The following OGDH variants were observed in gnomAD, a reference collection of about 807,000 sequenced individuals.
OGDH encodes the protein oxoglutarate dehydrogenase.
A neutral mutation model predicts 116.6 loss-of-function variants in OGDH; 38 were observed. The observed-to-expected ratio is 0.33, with a 90% CI of 0.25 to 0.43. The LOEUF (loss-of-function observed/expected upper bound fraction) is 0.43. Among genes scored for constraint, OGDH ranks in the 20% least tolerant of loss-of-function variants. The pLI is 1.00. For synonymous variants in OGDH, 488 were observed against 533.3 expected, an observed-to-expected ratio of 0.92 and a Z score of 1.17; for missense variants, 825 against 1,357.2, an observed-to-expected ratio of 0.61 and a Z score of 6.16.
chr7:44,697,128 G>T lies in OGDH; in HGVS notation c.2051+64G>T. On this transcript the variant is annotated intron_variant, in intron 15 of 22. Coordinates refer to ENST00000222673, the MANE Select transcript of OGDH (RefSeq NM_002541.4). The surrounding 1 kb of genome is among the most constrained non-coding windows in gnomAD (Gnocchi z 6.0). ...AGAAGATGGAAAGGGAGGGGTTCTG[G>T]TGTTTCTTTTCCGGAAGACGGTTAG... The T allele has an allele frequency of 1.9e-6, 3 of 1,572,590 alleles. No individual in the cohort carries two copies. Among genetic ancestry groups the T allele is most frequent in the East Asian group, 4.5e-5 (2 of 44,230 alleles).
At chr7:44,672,437 G>A (rs931041655) in intron 5 of OGDH, among the ~76,000 whole-genome samples, 11 of 152,136 alleles carry the variant, frequency 7.2e-5, no homozygotes, top group Non-Finnish European at 1.6e-4. Flanking sequence ...AGTGGCTGCT[G>A]TAAAGGCAGT....
intron 4 of OGDH, among the ~76,000 whole-genome samples, chr7:44,652,202 G>A (rs1393854467): frequency 1.3e-5 from 2 of 151,506 alleles, no homozygotes; most frequent in East Asian, 2.0e-4. Flanking sequence ...TCCGCCTCCC[G>A]GGTTCAAGCA....
Position 44,624,353 on chromosome 7 carries a change from T to C in OGDH, c.10T>C (p.Leu4=), listed in dbSNP as rs1785120823. The change falls in exon 2 of 23, where the codon TTA becomes CTA. Residue 4 remains leucine (L), a synonymous_variant. Transcript: ENST00000222673. ...AAACTTCAGGACAAAAATGTTTCAT[T>C]TAAGGACTTGTGCTGCTAAGTTGAG... MFH[L]RTCAAKLRPL... The C allele has an allele frequency of 1.9e-6, 3 of 1,609,128 alleles. No individual in the cohort carries two copies. Among genetic ancestry groups the C allele is most frequent in the Non-Finnish European group, 2.5e-6 (3 of 1,178,446 alleles).
intron 1 of OGDH, among the ~76,000 whole-genome samples, chr7:44,617,576 C>A (rs908098456): frequency 2.0e-5 from 3 of 152,286 alleles, no homozygotes; most frequent in Non-Finnish European, 1.5e-5. Context: ...AGATTCTCAG[C>A]CAATAAGGGA....
Position 44,697,713 on chromosome 7 carries a change from C to A in OGDH, c.2289C>A (p.Cys763Ter). Reference protein sequence around the residue: ...TAQCIIDQFICPGQAKWVRQN... With the variant: ...TAQCIIDQFI ...AGTGTATCATCGACCAGTTCATCTG[C>A]CCGGGACAAGCCAAGTGGGTGCGGC... Residue 763 changes from cysteine to a stop codon, truncating the protein, a stop_gained, in exon 17 of 23, where the codon TGC becomes TGA. Coordinates refer to ENST00000222673, the MANE Select transcript of OGDH (RefSeq NM_002541.4). LOFTEE classifies it high-confidence loss of function. This position sits in a 1 kb window ranked among gnomAD's most constrained non-coding sequence, Gnocchi z 6.0. 1 of 1,614,264 alleles carries A rather than the reference C, an allele frequency of 6.2e-7. No homozygotes were observed. Among genetic ancestry groups the A allele is most frequent in the Non-Finnish European group, 8.5e-7 (1 of 1,180,052 alleles).
chr7:44,653,576 G>A (rs1786547237), intron 4 of OGDH, among the ~76,000 whole-genome samples: 1 of 152,196 alleles, frequency 6.6e-6, no homozygotes, highest in Non-Finnish European at 1.5e-5. Flanking sequence ...GCCCAGGCTG[G>A]AATGCAGTGG....
chr7:44,683,352 C>T (rs1788008439), intron 10 of OGDH, among the ~76,000 whole-genome samples: 1 of 151,996 alleles, frequency 6.6e-6, no homozygotes, highest in Non-Finnish European at 1.5e-5. Flanking sequence ...CCTCAGCCTC[C>T]CGAGTAGCAA....
chr7:44,696,955 A>G lies in OGDH; in HGVS notation c.1942A>G (p.Asn648Asp). ...GAAGACTCGTGGGGAAATGGTGAAG[A>G]ACCGGACTGTGGACTGGGCTCTAGC... ...ILKTRGEMVK[N>D]RTVDWALAEY... The change falls in exon 15 of 23, where the codon AAC becomes GAC. Residue 648 changes from asparagine (N) to aspartate (D), a missense_variant. Coordinates refer to ENST00000222673, the MANE Select transcript of OGDH (RefSeq NM_002541.4). The G allele has an allele frequency of 6.2e-7, 1 of 1,614,104 alleles. No homozygotes were observed.
chr7:44,696,360 T>TG (rs1788580574), intron 13 of OGDH, 69 bp from the exon 14 acceptor site: 28 of 1,559,614 alleles, frequency 1.8e-5, no homozygotes, highest in Non-Finnish European at 2.4e-5. Flanking sequence ...CAAAATCACG[T>TG]GTCTGCCATT....
At chr7:44,621,208 G>C (rs963154584) in intron 1 of OGDH, among the ~76,000 whole-genome samples, 2 of 152,072 alleles carry the variant, frequency 1.3e-5, no homozygotes, top group Admixed American at 1.3e-4. Flanking sequence ...GGGGTAGCTG[G>C]TACTACAGAC....
At chr7:44,669,144 G>GTTTTTTTTTTTTTTTTTT (rs1585325619) in intron 5 of OGDH, among the ~76,000 whole-genome samples, 2 of 102,954 alleles carry the variant, frequency 1.9e-5, no homozygotes, top group African/African-American at 5.8e-5. Flanking sequence ...GAGCCCGGCA[G>GTTTTTTTTTTTTTTTTTT]CTTTTTTTTT....
At chr7:44,703,248 T>C (rs188497952) in intron 20 of OGDH, among the ~76,000 whole-genome samples, 1 of 152,154 alleles carries the variant, frequency 6.6e-6, no homozygotes, top group East Asian at 1.9e-4. Flanking sequence ...AAACCCCGTC[T>C]CTATTAAAAA....
chr7:44,636,722 C>T (rs1785687632), intron 2 of OGDH, among the ~76,000 whole-genome samples: 1 of 152,192 alleles, frequency 6.6e-6, no homozygotes. Context: ...TTTGTGGGAG[C>T]TTGGGGAGCA....
intron 9 of OGDH, among the ~76,000 whole-genome samples, chr7:44,678,912 C>A (rs541829427): frequency 2.0e-5 from 3 of 152,340 alleles, no homozygotes; most frequent in South Asian, 2.1e-4. Context: ...TAACCTCATG[C>A]ATGATTGTGA....
At chr7:44,617,561 C>A (rs919627672) in intron 1 of OGDH, among the ~76,000 whole-genome samples, 1 of 152,162 alleles carries the variant, frequency 6.6e-6, no homozygotes, top group African/African-American at 2.4e-5. Flanking sequence ...ATAATAAATT[C>A]TTTGAGATTC....
Position 44,617,998 on chromosome 7 carries a change from G to A in OGDH, c.-27-6319G>A, listed in dbSNP as rs370934784. ...TGGGGAAATTCGAGGCATAGACCTC[G>A]AAGGCTTCATATTTCAGACAGAACC... On this transcript the variant is annotated intron_variant, in intron 1 of 22. Transcript: ENST00000222673. 8.8e-4 allele frequency among the ~76,000 whole-genome samples: 134 copies of A among 152,290 alleles called. 1 individual carries two copies. In the South Asian group the frequency reaches 0.014, roughly 16 times the overall value.
intron 18 of OGDH, 125 bp downstream of exon 18, chr7:44,698,388 G>GAT: frequency 1.0e-6 from 1 of 977,666 alleles, no homozygotes; most frequent in Non-Finnish European, 1.6e-6. Context: ...CTCCATCCTG[G>GAT]GGAGCTCACG....
In OGDH at chr7:44,697,808, G is replaced by A; in HGVS notation, c.2358+26G>A. 1.9e-6 allele frequency: 3 copies of A among 1,603,432 alleles called. No homozygotes were observed. The highest frequency in any genetic ancestry group is 1.9e-4 in the Middle Eastern group (1 of 5,394). On this transcript the variant is annotated intron_variant, in intron 17 of 22. Coordinates refer to ENST00000222673, the MANE Select transcript of OGDH (RefSeq NM_002541.4). The surrounding 1 kb of genome is among the most constrained non-coding windows in gnomAD (Gnocchi z 6.0). The stretch of plus-strand genomic sequence containing the variant: ...GTGAGCCTCTGGCCCTTCCCTGCCA[G>A]ACCTAGGACTTGGGAAGGGCCTGTG...
At chr7:44,688,951 T>C (rs1312081218) in intron 10 of OGDH, among the ~76,000 whole-genome samples, 1 of 152,112 alleles carries the variant, frequency 6.6e-6, no homozygotes, top group Admixed American at 6.6e-5. Flanking sequence ...GGTTTCGCCT[T>C]GTTGGCCAGG....
Sources: allele counts gnomAD v4.1 joint callset (sites outside exome capture counted in the v4.1 genomes callset), GRCh38; gene constraint gnomAD v4.1.1; non-coding constraint Gnocchi (gnomAD v3.1); transcripts MANE v1.5; gene names NCBI Gene and HGNC (gene_info 2026-07-23, HGNC 2026-07-21).